RLF: variants seen among roughly 807,000 people sequenced by gnomAD.
The protein encoded by RLF is RLF zinc finger, also known as zinc finger protein Rlf.
RLF carries 7 observed loss-of-function variants against 162.9 expected under a neutral mutation model. That is an observed-to-expected ratio of 0.04 (90% CI 0.02 to 0.08). The LOEUF (loss-of-function observed/expected upper bound fraction) is 0.08. RLF is among the 10% of genes least tolerant of loss of function. The pLI is 1.00. For missense variants in RLF, 1,664 were observed against 2,244.7 expected, an observed-to-expected ratio of 0.74 and a Z score of 5.23; for synonymous variants, 782 against 791.5, an observed-to-expected ratio of 0.99 and a Z score of 0.20.
chr1:40,233,763 G>T (rs903544014), intron 7 of RLF, among the ~76,000 whole-genome samples: 16 of 152,184 alleles, frequency 1.1e-4, no homozygotes, highest in Admixed American at 7.9e-4. Flanking sequence ...GAAAGGTAGG[G>T]AGTTATCTCA....
rs1027097989 is a variant in RLF, at chr1:40,169,472, C to T, written c.237+7836C>T. 7.3e-5 allele frequency among the ~76,000 whole-genome samples: 11 copies of T among 150,854 alleles called. No homozygotes were observed. The East Asian group carries it at 9.9e-4, about 14-fold the overall frequency. On this transcript the variant is annotated intron_variant, in intron 1 of 7. Coordinates refer to ENST00000372771, the MANE Select transcript of RLF (RefSeq NM_012421.4). Reference sequence around the variant, plus strand: ...TCTACTAAAAATACAAAAAATTAGCCGGGCGCGGTGGCGGGCGCCTGTGGT... The same window carrying T: ...TCTACTAAAAATACAAAAAATTAGCTGGGCGCGGTGGCGGGCGCCTGTGGT...
intron 1 of RLF, among the ~76,000 whole-genome samples, chr1:40,181,993 T>C (rs1260031834): frequency 6.6e-6 from 1 of 152,078 alleles, no homozygotes; most frequent in African/African-American, 2.4e-5. Context: ...TAGAAGACAT[T>C]ATGTCCATAA....
At chr1:40,173,547 T>A (rs1368819468) in intron 1 of RLF, among the ~76,000 whole-genome samples, 1 of 151,318 alleles carries the variant, frequency 6.6e-6, no homozygotes, top group Non-Finnish European at 1.5e-5. Context: ...AGAGCCTTGC[T>A]CTGTTGCTTA....
intron 6 of RLF, among the ~76,000 whole-genome samples, chr1:40,223,979 C>T (rs551463463): frequency 2.6e-5 from 4 of 152,284 alleles, no homozygotes; most frequent in African/African-American, 4.8e-5. Context: ...AGTGGGATAG[C>T]GACTTAAATA....
intron 5 of RLF, among the ~76,000 whole-genome samples, chr1:40,205,485 C>CTTTTT (rs36038824): frequency 2.1e-4 from 22 of 107,044 alleles, no homozygotes; most frequent in East Asian, 5.6e-4. Flanking sequence ...TTCCTTCCTT[C>CTTTTT]TTTTTTTTTT....
At chr1:40,162,806 G>A (rs1483059251) in intron 1 of RLF, among the ~76,000 whole-genome samples, 2 of 152,180 alleles carry the variant, frequency 1.3e-5, no homozygotes, top group Non-Finnish European at 2.9e-5. Flanking sequence ...CTGCAACATT[G>A]CCCTGTACTA....
At chr1:40,217,040 C>G (rs1642933626) in intron 5 of RLF, among the ~76,000 whole-genome samples, 1 of 152,086 alleles carries the variant, frequency 6.6e-6, no homozygotes, top group South Asian at 2.1e-4. Flanking sequence ...GAGAGTGAGA[C>G]TCTGTCTCCA....
chr1:40,205,580 C>T (rs989282798), intron 5 of RLF, among the ~76,000 whole-genome samples: 1 of 150,614 alleles, frequency 6.6e-6, no homozygotes, highest in Non-Finnish European at 1.5e-5. Context: ...AGCTCCGCCT[C>T]CCAGGTTCAC....
intron 5 of RLF, among the ~76,000 whole-genome samples, chr1:40,216,792 C>T (rs1004994817): frequency 3.9e-5 from 6 of 152,140 alleles, no homozygotes; most frequent in African/African-American, 9.7e-5. Flanking sequence ...CGGTGTCTCA[C>T]GCCTGTACCA....
chr1:40,219,621 C>T (rs555652427), intron 5 of RLF, among the ~76,000 whole-genome samples: 1 of 152,170 alleles, frequency 6.6e-6, no homozygotes, highest in Non-Finnish European at 1.5e-5. Context: ...TCCGCCTTCA[C>T]AATAGAAACC....
At chr1:40,217,035 T>C (rs751120036) in intron 5 of RLF, among the ~76,000 whole-genome samples, 2 of 151,836 alleles carry the variant, frequency 1.3e-5, no homozygotes, top group Non-Finnish European at 2.9e-5. Flanking sequence ...GGTGAGAGAG[T>C]GAGACTCTGT....
At chr1:40,163,909 C>G (rs1049578816) in intron 1 of RLF, among the ~76,000 whole-genome samples, 5 of 152,164 alleles carry the variant, frequency 3.3e-5, no homozygotes, top group Admixed American at 6.5e-5. Flanking sequence ...ATAAGATCAA[C>G]TGTGTCCTTG....
intron 1 of RLF, among the ~76,000 whole-genome samples, chr1:40,186,114 C>T (rs1213453961): frequency 6.6e-6 from 1 of 151,896 alleles, no homozygotes; most frequent in Non-Finnish European, 1.5e-5. Flanking sequence ...GCCGAGATTT[C>T]ACCACCGCAC....
At chr1:40,187,846 T>C (rs1007672643) in intron 1 of RLF, among the ~76,000 whole-genome samples, 19 of 152,342 alleles carry the variant, frequency 1.2e-4, no homozygotes, top group African/African-American at 4.6e-4. Context: ...TGTAGTTATT[T>C]GTAGTTGTTT....
chr1:40,237,303 T>G lies in RLF; in HGVS notation c.2601T>G (p.Pro867=). 1 of 1,614,080 alleles carries G rather than the reference T, an allele frequency of 6.2e-7. No homozygotes were observed. Among genetic ancestry groups the G allele is most frequent in the Non-Finnish European group, 8.5e-7 (1 of 1,179,986 alleles). ...ACCAAACTGATAAATCACATTTACC[T>G]GAAGATCTTTTCTGTGCAGAATCAG... The part of the protein sequence containing the change: ...LLNQTDKSHL[P]EDLFCAESAN... Residue 867 remains proline (P), a synonymous_variant, in exon 8 of 8, where the codon CCT becomes CCG. Coordinates refer to ENST00000372771, the MANE Select transcript of RLF (RefSeq NM_012421.4). This position sits in a 1 kb window ranked among gnomAD's most constrained non-coding sequence, Gnocchi z 4.4.
Position 40,221,966 on chromosome 1 carries a change from ATTTTTATTTGT to A in RLF, c.811-602_811-592del, listed in dbSNP as rs1032549025. Among the ~76,000 whole-genome samples the A allele has an allele frequency of 4.8e-4, 72 of 150,108 alleles. 2 individuals are homozygous for A. In the Middle Eastern group the frequency reaches 0.028, roughly 59 times the overall value. On this transcript the variant is annotated intron_variant, in intron 5 of 7. Coordinates refer to ENST00000372771, the MANE Select transcript of RLF (RefSeq NM_012421.4). ...AAAATTTGATTGATTTGTCCAGAGGATTTTTATTTGTTTTTTGTTTGTTTTTTTAAGATTTA... is the reference window on the plus strand; with the variant it reads ...AAAATTTGATTGATTTGTCCAGAGGATTTTTGTTTGTTTTTTTAAGATTTA...
rs901905277 is a variant in RLF, at chr1:40,161,760, C to G, written c.237+124C>G. Reference sequence around the variant, plus strand: ...CCACCTCCGTGACTCGCCGCGCCCCCGGGCCGGGAAGGCCCAGCTCGGAAG... The same window carrying G: ...CCACCTCCGTGACTCGCCGCGCCCCGGGGCCGGGAAGGCCCAGCTCGGAAG... On this transcript the variant is annotated intron_variant, in intron 1 of 7. Transcript: ENST00000372771. This position sits in a 1 kb window ranked among gnomAD's most constrained non-coding sequence, Gnocchi z 4.4. 3.6e-6 allele frequency: 5 copies of G among 1,377,780 alleles called. No homozygotes were observed. Among genetic ancestry groups the G allele is most frequent in the Non-Finnish European group, 4.8e-6 (5 of 1,039,048 alleles). 85.3% of individuals were successfully genotyped at this position (1,377,780 alleles called of 1,614,324 possible). A position where few individuals can be genotyped will look rare whatever the true frequency, so the allele number is the denominator to read the frequency against.
chr1:40,201,625 CAA>C (rs35897680), intron 4 of RLF, among the ~76,000 whole-genome samples: 403 of 91,488 alleles, frequency 4.4e-3, no homozygotes, highest in Admixed American at 9.9e-3. Context: ...GACTTCATCT[CAA>C]AAAAAAAAAA....
At chr1:40,171,998 T>C (rs1642252088) in intron 1 of RLF, among the ~76,000 whole-genome samples, 1 of 152,216 alleles carries the variant, frequency 6.6e-6, no homozygotes, top group African/African-American at 2.4e-5. Flanking sequence ...CAAGCTTATA[T>C]ACTAAAACCT....
Sources: allele counts gnomAD v4.1 joint callset (sites outside exome capture counted in the v4.1 genomes callset), GRCh38; gene constraint gnomAD v4.1.1; non-coding constraint Gnocchi (gnomAD v3.1); transcripts MANE v1.5; gene names NCBI Gene and HGNC (gene_info 2026-07-23, HGNC 2026-07-21).